Variants in DPP10 observed in about 807,000 individuals in gnomAD.
DPP10 encodes inactive dipeptidyl peptidase 10.
Under a neutral mutation model 120.9 loss-of-function variants are expected in DPP10, and 33 were observed. That is an observed-to-expected ratio of 0.27 (90% CI 0.21 to 0.37). The LOEUF is 0.37. Ranked by LOEUF, DPP10 falls within the 10% of genes least tolerant of loss-of-function variation. The probability of loss-of-function intolerance (pLI) is 1.00; values close to 1 mark genes in which losing one functional copy is unlikely to be tolerated. For synonymous variants in DPP10, 337 were observed against 326.1 expected, an observed-to-expected ratio of 1.03 and a Z score of -0.36; for missense variants, 816 against 942.8, an observed-to-expected ratio of 0.87 and a Z score of 1.76.
intron 21 of DPP10, among the ~76,000 whole-genome samples, chr2:115,827,591 A>AT (rs1336037082): frequency 2.7e-5 from 4 of 149,958 alleles, no homozygotes; most frequent in African/African-American, 4.9e-5. Flanking sequence ...TTTTATTTTT[A>AT]TTTTATTTTA....
intron 3 of DPP10, among the ~76,000 whole-genome samples, chr2:115,358,865 C>T (rs942403009): frequency 3.3e-5 from 5 of 152,038 alleles, no homozygotes; most frequent in Admixed American, 1.3e-4. Context: ...AGAAGAAAAG[C>T]CCCTTATAGA....
At chr2:114,443,593 C>T (rs1268426745) in intron 1 of DPP10, among the ~76,000 whole-genome samples, 1 of 151,508 alleles carries the variant, frequency 6.6e-6, no homozygotes, top group Non-Finnish European at 1.5e-5. Flanking sequence ...ACCAGACTTC[C>T]AATCAAAGTT....
At chr2:114,802,572 G>A (rs181559239) in intron 1 of DPP10, among the ~76,000 whole-genome samples, 175 of 152,278 alleles carry the variant, frequency 1.1e-3, no homozygotes, top group Non-Finnish European at 1.9e-3. Context: ...TGGTTTTCGG[G>A]GCTGTTGAGT....
In DPP10 at chr2:114,979,968, G is replaced by A. The variant is rs184600674; in HGVS notation, c.61-329271G>A. Among the ~76,000 whole-genome samples, 250 of 152,160 alleles carry A rather than the reference G, an allele frequency of 1.6e-3. 2 individuals are homozygous for A. The highest frequency in any genetic ancestry group is 5.9e-3 in the African/African-American group (246 of 41,558). ...AGTTTCTATAGTCTTTTGCAATCGT[G>A]TATATTCTAAGACTTGTTTGGTTTT... On this transcript the variant is annotated intron_variant, in intron 1 of 25. Transcript: ENST00000410059.
intron 1 of DPP10, among the ~76,000 whole-genome samples, chr2:115,199,102 G>T (rs921465642): frequency 2.6e-5 from 4 of 152,002 alleles, no homozygotes; most frequent in Non-Finnish European, 4.4e-5. Flanking sequence ...ACCTATTAAA[G>T]TTCAGATATA....
At chr2:115,086,471 T>A (rs1304070363) in intron 1 of DPP10, among the ~76,000 whole-genome samples, 63 of 63,648 alleles carry the variant, frequency 9.9e-4, no homozygotes, top group Middle Eastern at 0.021. Context: ...TTTTTTTTTT[T>A]TGTGACGGAG....
At chr2:115,048,055 T>C (rs549794691) in intron 1 of DPP10, among the ~76,000 whole-genome samples, 20 of 152,280 alleles carry the variant, frequency 1.3e-4, no homozygotes, top group Middle Eastern at 3.4e-3. Flanking sequence ...TTTATTTCCT[T>C]GACCACATTG....
At chr2:115,544,701 G>A (rs1247870863) in intron 5 of DPP10, among the ~76,000 whole-genome samples, 2 of 151,930 alleles carry the variant, frequency 1.3e-5, no homozygotes, top group South Asian at 2.1e-4. Context: ...GGTGTCACTC[G>A]CTGTTCTTAA....
At chr2:114,452,362 G>A (rs571589321) in intron 1 of DPP10, among the ~76,000 whole-genome samples, 20 of 152,056 alleles carry the variant, frequency 1.3e-4, no homozygotes, top group South Asian at 2.1e-4. Context: ...CCAAGTGGTC[G>A]GGGGTGATCT....
intron 5 of DPP10, among the ~76,000 whole-genome samples, chr2:115,552,876 C>T (rs17044674): frequency 0.028 from 4,318 of 152,098 alleles, 201 homozygotes; most frequent in African/African-American, 0.099. Flanking sequence ...AGTTATTCTT[C>T]ATTCTTTGAT....
At chr2:115,638,204 A>G (rs547335393) in intron 5 of DPP10, among the ~76,000 whole-genome samples, 20 of 152,306 alleles carry the variant, frequency 1.3e-4, no homozygotes, top group African/African-American at 4.1e-4. Context: ...TTGATTGCAC[A>G]TTTCTTGTTC....
At chr2:114,866,020 G>A (rs934694268) in intron 1 of DPP10, among the ~76,000 whole-genome samples, 5 of 152,008 alleles carry the variant, frequency 3.3e-5, no homozygotes, top group Admixed American at 6.6e-5. Flanking sequence ...GCTGAGGCAG[G>A]AGAATCGCTT....
At position 115,025,692 on chromosome 2, in the gene DPP10, G is replaced by A. The variant is rs575384562; in HGVS notation, c.61-283547G>A. Reference sequence around the variant, plus strand: ...GTTACTTCCAGTCTTTTTCATAAAAGCATTCTAACTGGGGTGAGATAATAC... The same window carrying A: ...GTTACTTCCAGTCTTTTTCATAAAAACATTCTAACTGGGGTGAGATAATAC... On this transcript the variant is annotated intron_variant, in intron 1 of 25. Coordinates refer to ENST00000410059, the MANE Select transcript of DPP10 (RefSeq NM_020868.6). Among the ~76,000 whole-genome samples the A allele has an allele frequency of 2.6e-4, 40 of 152,180 alleles. No individual in the cohort carries two copies. In the South Asian group the frequency reaches 7.7e-3, roughly 29 times the overall value.
At chr2:115,806,913 A>C (rs1037716338) in intron 19 of DPP10, among the ~76,000 whole-genome samples, 3 of 152,084 alleles carry the variant, frequency 2.0e-5, no homozygotes, top group African/African-American at 7.2e-5. Flanking sequence ...GACCTGCTGC[A>C]TAGGAGAGTC....
chr2:114,960,187 G>T (rs1698506084), intron 1 of DPP10, among the ~76,000 whole-genome samples: 5 of 151,988 alleles, frequency 3.3e-5, no homozygotes. Context: ...ATATTTTAGT[G>T]CCTTTCCAAA....
chr2:114,628,942 T>C (rs1420918638), intron 1 of DPP10, among the ~76,000 whole-genome samples: 1 of 152,184 alleles, frequency 6.6e-6, no homozygotes, highest in Admixed American at 6.6e-5. Flanking sequence ...AATCTCACTT[T>C]TTCCCTAAGA....
chr2:114,475,017 T>C (rs1160910015), intron 1 of DPP10, among the ~76,000 whole-genome samples: 3 of 152,198 alleles, frequency 2.0e-5, no homozygotes, highest in Non-Finnish European at 4.4e-5. Context: ...TCTGGTCAGC[T>C]TGAAGAATCT....
chr2:114,803,694 A>C (rs144067723), intron 1 of DPP10, among the ~76,000 whole-genome samples: 19 of 152,348 alleles, frequency 1.2e-4, no homozygotes, highest in African/African-American at 3.6e-4. Context: ...GATTTAGGGC[A>C]TCTGGCTGAA....
intron 1 of DPP10, among the ~76,000 whole-genome samples, chr2:115,040,789 AGCTT>A (rs1448037730): frequency 6.6e-6 from 1 of 151,970 alleles, no homozygotes. Flanking sequence ...ATGTAAGATG[AGCTT>A]GCTCTCCTGT....
Sources: allele counts gnomAD v4.1 joint callset (sites outside exome capture counted in the v4.1 genomes callset), GRCh38; gene constraint gnomAD v4.1.1; transcripts MANE v1.5; gene names NCBI Gene and HGNC (gene_info 2026-07-23, HGNC 2026-07-21).